The following NTS variants were observed in gnomAD, a reference collection of about 807,000 sequenced individuals.
The protein encoded by NTS is neurotensin.
A neutral mutation model predicts 19.5 loss-of-function variants in NTS; 20 were observed. The observed-to-expected ratio is 1.02, with a 90% CI of 0.72 to 1.49. The LOEUF (loss-of-function observed/expected upper bound fraction) is 1.49, where lower values mean the gene tolerates loss of function less well. Among genes scored for constraint, NTS ranks in the 40% most tolerant of loss-of-function variants. The probability of loss-of-function intolerance (pLI) is 0.00; values close to 1 mark genes in which losing one functional copy is unlikely to be tolerated. For synonymous variants in NTS, 71 were observed against 63.3 expected (o/e 1.12, Z -0.58); for missense variants, 215 against 193.1 (o/e 1.11, Z -0.67).
intron 3 of NTS, among the ~76,000 whole-genome samples, chr12:85,879,691 T>A (rs61649325): frequency 8.7e-6 from 1 of 114,956 alleles, no homozygotes; most frequent in African/African-American, 3.8e-5. Flanking sequence ...AATATATTTT[T>A]TGTATATTTT....
chr12:85,880,653 G>A (rs1881482156), intron 3 of NTS, among the ~76,000 whole-genome samples: 1 of 152,114 alleles, frequency 6.6e-6, no homozygotes. Context: ...AAATTGTTTA[G>A]TATTTAAAAT....
intron 3 of NTS, among the ~76,000 whole-genome samples, chr12:85,879,774 A>G (rs1251233649): frequency 2.9e-5 from 4 of 137,658 alleles, no homozygotes; most frequent in Non-Finnish European, 6.3e-5. Context: ...TGTATATAAA[A>G]TATATTTTTT....
rs1371530535 is a variant in NTS at position 85,874,318 on chromosome 12, A to C, written c.-86A>C. ...TCATAGTTCACTCACTTTCAAAGCC[A>C]GCTGAAGGAAAGAGGAAGTGCTAGA... is the stretch of plus-strand genomic sequence containing the variant. On this transcript the variant is annotated 5_prime_UTR_variant, in exon 1 of 4. Coordinates refer to ENST00000256010, the MANE Select transcript of NTS (RefSeq NM_006183.5). 6.6e-6 allele frequency: 6 copies of C among 911,588 alleles called. No individual in the cohort carries two copies. The highest frequency in any genetic ancestry group is 9.1e-6 in the Non-Finnish European group (5 of 546,630). 56.5% of individuals were successfully genotyped at this position (911,588 alleles called of 1,614,324 possible).
intron 3 of NTS, 68 bp from the exon 4 acceptor site, chr12:85,882,155 T>C (rs1881516272): frequency 1.6e-6 from 2 of 1,239,756 alleles, no homozygotes; most frequent in Non-Finnish European, 2.3e-6. Context: ...AGATAGAATG[T>C]AGAAAAATGC....
Position 85,878,426 on chromosome 12 carries a change from G to C in NTS, c.217G>C (p.Glu73Gln). Residue 73 changes from glutamate (E) to glutamine (Q), a missense_variant, in exon 3 of 4, where the codon GAG becomes CAG. By Grantham distance (29) the Glu-to-Gln change is conservative (BLOSUM62 2). Coordinates refer to ENST00000256010, the MANE Select transcript of NTS (RefSeq NM_006183.5). ...SLVNNLNSPA[E>Q]ETGEVHEEEL... ...TGTAAATAATTTGAACAGCCCAGCT[G>C]AGGAAACAGGAGAAGTTCATGAAGA... 1.2e-6 allele frequency: 2 copies of C among 1,613,732 alleles called. No homozygotes were observed. The highest frequency in any genetic ancestry group is 1.7e-6 in the Non-Finnish European group (2 of 1,179,814).
chr12:85,882,192 A>G (rs1881516901), intron 3 of NTS, 31 bp from the exon 4 acceptor site: 1 of 1,518,584 alleles, frequency 6.6e-7, no homozygotes, highest in South Asian at 1.2e-5. Flanking sequence ...TTATTCATGT[A>G]AGTTTCACTT....
At chr12:85,881,651 T>C (rs1313736988) in intron 3 of NTS, among the ~76,000 whole-genome samples, 13 of 152,172 alleles carry the variant, frequency 8.5e-5, no homozygotes, top group Admixed American at 8.5e-4. Flanking sequence ...AGCTTTCCCA[T>C]ATGTTGATTT....
At position 85,874,378 on chromosome 12, in the gene NTS, G is replaced by C. The variant is rs373597970; in HGVS notation, c.-26G>C. The C allele has an allele frequency of 1.2e-4, 189 of 1,588,140 alleles. No homozygotes were observed. In the African/African-American group the frequency reaches 2.0e-3, roughly 17 times the overall value. The stretch of plus-strand genomic sequence containing the variant: ...CTTCAGTGTGCTTCTGACTTTTACG[G>C]ACTTGGCTTGTTAGAAGGCTGAAAG... On this transcript the variant is annotated 5_prime_UTR_variant, in exon 1 of 4. Transcript: ENST00000256010.
chr12:85,876,235 G>A (rs900637778), intron 1 of NTS, among the ~76,000 whole-genome samples: 13 of 151,790 alleles, frequency 8.6e-5, no homozygotes, highest in Non-Finnish European at 4.4e-5. Flanking sequence ...CTCTTGTATA[G>A]TCTTCATTAT....
chr12:85,877,642 C>G (rs931852517), intron 2 of NTS, among the ~76,000 whole-genome samples: 2 of 152,062 alleles, frequency 1.3e-5, no homozygotes, highest in African/African-American at 4.8e-5. Context: ...CCTTCCTCCT[C>G]CACTCCACCC....
At chr12:85,878,812 T>A (rs578229147) in intron 3 of NTS, among the ~76,000 whole-genome samples, 5 of 152,028 alleles carry the variant, frequency 3.3e-5, no homozygotes, top group Admixed American at 2.6e-4. Context: ...GCAGATTTGA[T>A]CCACATGTTT....
chr12:85,874,707 G>T (rs1294752544), intron 1 of NTS, among the ~76,000 whole-genome samples: 2 of 152,012 alleles, frequency 1.3e-5, no homozygotes, highest in African/African-American at 4.8e-5. Flanking sequence ...ATGAAACACT[G>T]CACGACCTCC....
intron 3 of NTS, among the ~76,000 whole-genome samples, chr12:85,878,952 AAC>A (rs1296840034): frequency 6.6e-6 from 1 of 151,770 alleles, no homozygotes; most frequent in Non-Finnish European, 1.5e-5. Flanking sequence ...TCTATAAACA[AAC>A]ACAGAATATA....
At chr12:85,876,059 G>C (rs1198303008) in intron 1 of NTS, among the ~76,000 whole-genome samples, 1 of 151,664 alleles carries the variant, frequency 6.6e-6, no homozygotes, top group Admixed American at 6.6e-5. Flanking sequence ...TTCCTTAAAT[G>C]CCTATGAAAA....
chr12:85,874,886 C>T (rs977539062), intron 1 of NTS, among the ~76,000 whole-genome samples: 11 of 152,138 alleles, frequency 7.2e-5, no homozygotes, highest in Admixed American at 5.9e-4. Context: ...TCTTAGGAAG[C>T]GGTGGCCCTC....
intron 2 of NTS, 46 bp from the exon 3 acceptor site, chr12:85,878,299 A>G (rs1248792373): frequency 2.2e-6 from 3 of 1,381,844 alleles, no homozygotes; most frequent in Non-Finnish European, 3.0e-6. Flanking sequence ...TTTCTTGCTC[A>G]TGTAACACAA....
chr12:85,879,921 A>C (rs1265477564), intron 3 of NTS, among the ~76,000 whole-genome samples: 1 of 147,916 alleles, frequency 6.8e-6, no homozygotes, highest in Non-Finnish European at 1.5e-5. Context: ...AAAAATATAG[A>C]ATAAGGATAT....
intron 3 of NTS, among the ~76,000 whole-genome samples, chr12:85,880,206 T>C (rs1881471080): frequency 6.6e-6 from 1 of 152,080 alleles, no homozygotes; most frequent in Non-Finnish European, 1.5e-5. Context: ...AATAATGTAC[T>C]TGCAAAATGC....
chr12:85,878,644 C>T (rs1881401968), intron 3 of NTS, 75 bp downstream of exon 3: 2 of 841,326 alleles, frequency 2.4e-6, no homozygotes, highest in Non-Finnish European at 3.4e-6. Context: ...TTCTTAAATT[C>T]CCAATCATAA....
Sources: allele counts gnomAD v4.1 joint callset (sites outside exome capture counted in the v4.1 genomes callset), GRCh38; gene constraint gnomAD v4.1.1; transcripts MANE v1.5; gene names NCBI Gene and HGNC (gene_info 2026-07-23, HGNC 2026-07-21).